Variants in TRIM36 observed in about 807,000 individuals in gnomAD.
TRIM36 encodes E3 ubiquitin-protein ligase TRIM36.
TRIM36 carries 42 observed loss-of-function variants against 72.4 expected under a neutral mutation model. The ratio of observed to expected loss-of-function variants is 0.58; its 90% CI spans 0.45 to 0.75. The LOEUF is 0.75. TRIM36 is among the 30% of genes least tolerant of loss of function. TRIM36 has a pLI of 0.00. For synonymous variants in TRIM36, 315 were observed against 282.8 expected (o/e 1.11, Z -1.14); for missense variants, 913 against 857.1 (o/e 1.07, Z -0.81).
intron 7 of TRIM36, among the ~76,000 whole-genome samples, chr5:115,135,601 C>G (rs1050078377): frequency 5.9e-5 from 9 of 152,058 alleles, no homozygotes; most frequent in Admixed American, 5.9e-4. Flanking sequence ...GTGGTATAAC[C>G]CAGGATAACC....
upstream of TRIM36, among the ~76,000 whole-genome samples, chr5:115,170,498 C>T (rs1447155960): frequency 6.6e-6 from 1 of 152,174 alleles, no homozygotes; most frequent in Non-Finnish European, 1.5e-5. Flanking sequence ...CCCGCCCGCC[C>T]TCTCCGCGGT....
chr5:115,169,823 G>A lies in TRIM36; in HGVS notation c.-189C>T. 7.6e-7 allele frequency: 1 copy of A among 1,323,372 alleles called. No homozygotes were observed. Among genetic ancestry groups the A allele is most frequent in the Non-Finnish European group, 9.7e-7 (1 of 1,032,996 alleles). 82.0% of individuals were successfully genotyped at this position (1,323,372 alleles called of 1,614,324 possible). A position where few individuals can be genotyped will look rare whatever the true frequency, so the allele number is the denominator to read the frequency against. ...TAAGCCGGGGCAGGCAAAAGCACAGGCGCGGGAGAAGCGAGCTTTGCTCCC... is the reference window on the plus strand; with the variant it reads ...TAAGCCGGGGCAGGCAAAAGCACAGACGCGGGAGAAGCGAGCTTTGCTCCC... On this transcript the variant is annotated 5_prime_UTR_variant, in exon 1 of 10. Coordinates refer to ENST00000513154, the MANE Select transcript of TRIM36 (RefSeq NM_001300759.2).
In TRIM36 at chr5:115,126,643, C is replaced by T. The variant is rs144749941; in HGVS notation, c.2011G>A (p.Asp671Asn). The T allele has an allele frequency of 1.9e-6, 3 of 1,614,102 alleles. No homozygotes were observed. Among genetic ancestry groups the T allele is most frequent in the South Asian group, 1.1e-5 (1 of 91,070 alleles). ...CGTTCATAAAGGCATTTCATCTGAT[C>T]CATATCATAGAAATCTACTTTGCCT... The part of the protein sequence containing the change: ...DKGKVDFYDM[D>N]QMKCLYERQV... Residue 671 changes from aspartate to asparagine, a missense_variant, in exon 10 of 10, where the codon GAT becomes AAT. By Grantham distance (23) the Asp-to-Asn change is conservative. Transcript: ENST00000513154.
Position 115,137,379 on chromosome 5 carries a change from T to G in TRIM36, c.1069A>C (p.Lys357Gln). The G allele has an allele frequency of 6.2e-7, 1 of 1,609,534 alleles. No homozygotes were observed. The highest frequency in any genetic ancestry group is 8.5e-7 in the Non-Finnish European group (1 of 1,178,854). ...AGAGAATACCTGAGGTGGAGCTGCT[T>G]TGCTGTCTGCACAAAGCAAGACTGA... ...TDQSCFVQTA[K>Q]QLHLRIQKAT... Residue 357 changes from lysine to glutamine, a missense_variant, in exon 6 of 10, where the codon AAG (lysine) becomes CAG (glutamine). Coordinates refer to ENST00000513154, the MANE Select transcript of TRIM36 (RefSeq NM_001300759.2).
chr5:115,167,072 G>C (rs992251735), intron 1 of TRIM36, among the ~76,000 whole-genome samples: 2 of 152,260 alleles, frequency 1.3e-5, no homozygotes, highest in Admixed American at 1.3e-4. Context: ...CAAGTGGGCA[G>C]AACAAGCCCA....
At chr5:115,170,739 A>C (rs1755072518), upstream of TRIM36, among the ~76,000 whole-genome samples, 1 of 152,120 alleles carries the variant, frequency 6.6e-6, no homozygotes, top group African/African-American at 2.4e-5. Context: ...CCAGGGACTG[A>C]AGTTAAAAGG....
At chr5:115,177,664 A>G (rs1755396564) in intron 1 of TRIM36, 1 of 1,601,464 alleles carries the variant, frequency 6.2e-7, no homozygotes, top group Admixed American at 1.7e-5. Flanking sequence ...GAGTGGTAGG[A>G]AATAAGCTTA....
At chr5:115,159,595 A>G (rs1754366239) in intron 2 of TRIM36, 1 of 443,200 alleles carries the variant, frequency 2.3e-6, no homozygotes, top group Non-Finnish European at 4.5e-6. Flanking sequence ...ATTTAAATCT[A>G]ACACTATATT....
chr5:115,143,054 A>T (rs1365911056), intron 4 of TRIM36, among the ~76,000 whole-genome samples: 2 of 152,018 alleles, frequency 1.3e-5, no homozygotes, highest in African/African-American at 4.8e-5. Flanking sequence ...AAAGAGAAAG[A>T]ACTCCAGAGA....
chr5:115,153,949 A>C (rs1754029440), intron 2 of TRIM36: 1 of 152,212 alleles, frequency 6.6e-6, no homozygotes, highest in Admixed American at 6.5e-5. Context: ...GAGCCTCAAT[A>C]AATTTAAAAA....
chr5:115,147,276 T>C lies in TRIM36; in HGVS notation c.381A>G (p.Glu127=). ...CTTGACGATATCTTTCCACAATAGT[T>C]TCCAAAGTGAAGTTTCGAAACAGAC... ...INGLFRNFTL[E]TIVERYRQAA... The change falls in exon 3 of 10, where the codon GAA becomes GAG. Residue 127 remains glutamate, a synonymous_variant. Transcript: ENST00000513154. 1 of 1,614,176 alleles carries C rather than the reference T, an allele frequency of 6.2e-7. No homozygotes were observed. The highest frequency in any genetic ancestry group is 1.3e-5 in the African/African-American group (1 of 75,034).
Position 115,130,871 on chromosome 5 carries a change from T to A in TRIM36, c.1517A>T (p.Asp506Val). ...TTCATTATTATAGCCACATTTTTCA[T>A]CAAAGAGGAAGCTGAAAACTAAATG... ...PPAPVFSFLF[D>V]EKCGYNNEHL... Residue 506 changes from aspartate (D) to valine (V), a missense_variant, in exon 9 of 10, where the codon GAT (aspartate) becomes GTT (valine). Asp to Val is a radical substitution (Grantham distance 152, BLOSUM62 -3). Coordinates refer to ENST00000513154, the MANE Select transcript of TRIM36 (RefSeq NM_001300759.2). The A allele has an allele frequency of 6.2e-7, 1 of 1,607,038 alleles. No individual in the cohort carries two copies. The highest frequency in any genetic ancestry group is 8.5e-7 in the Non-Finnish European group (1 of 1,175,224).
At chr5:115,139,746 T>A (rs1753173603) in intron 5 of TRIM36, among the ~76,000 whole-genome samples, 2 of 152,166 alleles carry the variant, frequency 1.3e-5, no homozygotes, top group Admixed American at 6.5e-5. Context: ...GTAAAAAAAA[T>A]TCTTATTGAT....
rs192201880 is a variant in TRIM36 at position 115,157,388 on chromosome 5, C to A, written c.262+6130G>T. ...GACCAGCCTGACTGACATGGTGAAA[C>A]CCCCGTCTCTAGTAAAAATAGAAAA... On this transcript the variant is annotated intron_variant, in intron 2 of 9. Coordinates refer to ENST00000513154, the MANE Select transcript of TRIM36 (RefSeq NM_001300759.2). Among the ~76,000 whole-genome samples the A allele has an allele frequency of 4.6e-3, 705 of 152,080 alleles. 8 individuals are homozygous for A. Among genetic ancestry groups the A allele is most frequent in the African/African-American group, 0.016 (667 of 41,478 alleles).
chr5:115,151,387 G>A (rs2112862271), intron 2 of TRIM36, among the ~76,000 whole-genome samples: 1 of 152,120 alleles, frequency 6.6e-6, no homozygotes, highest in East Asian at 1.9e-4. Flanking sequence ...GCTGCTCAAG[G>A]AGAGTCTGAG....
chr5:115,144,587 A>C lies in TRIM36; in HGVS notation c.735+11T>G. 1 of 1,610,506 alleles carries C rather than the reference A, an allele frequency of 6.2e-7. No individual in the cohort carries two copies. ...GAAGAATCAAAATTCTGTTCCAAAAATAAGTCCTACCTTTAAGGTTTTGTA... is the reference window on the plus strand; with the variant it reads ...GAAGAATCAAAATTCTGTTCCAAAACTAAGTCCTACCTTTAAGGTTTTGTA... On this transcript the variant is annotated intron_variant, in intron 4 of 9. Transcript: ENST00000513154.
At chr5:115,151,884 C>G (rs189530103) in intron 2 of TRIM36, among the ~76,000 whole-genome samples, 18 of 152,354 alleles carry the variant, frequency 1.2e-4, no homozygotes, top group Admixed American at 9.8e-4. Flanking sequence ...GAACAGCAAC[C>G]TTGAGCCCTA....
chr5:115,145,270 A>G (rs1224303984), intron 3 of TRIM36, among the ~76,000 whole-genome samples: 1 of 152,210 alleles, frequency 6.6e-6, no homozygotes, highest in Admixed American at 6.5e-5. Flanking sequence ...TTAATTACAA[A>G]TGCACTGACC....
At chr5:115,171,026 A>G (rs908449436), upstream of TRIM36, 19 of 1,589,520 alleles carry the variant, frequency 1.2e-5, no homozygotes, top group Admixed American at 3.1e-4. Flanking sequence ...ATTCATTCCT[A>G]TGTATTAGGC....
Sources: allele counts gnomAD v4.1 joint callset (sites outside exome capture counted in the v4.1 genomes callset), GRCh38; gene constraint gnomAD v4.1.1; transcripts MANE v1.5; gene names NCBI Gene and HGNC (gene_info 2026-07-23, HGNC 2026-07-21).